Variants in CCDC138 observed in about 807,000 individuals in gnomAD.
CCDC138 encodes the protein coiled-coil domain-containing protein 138.
A neutral mutation model predicts 82.3 loss-of-function variants in CCDC138; 66 were observed. The ratio of observed to expected loss-of-function variants is 0.80; its 90% CI spans 0.66 to 0.98. The LOEUF (loss-of-function observed/expected upper bound fraction) is 0.98, where lower values mean the gene tolerates loss of function less well. Among genes scored for constraint, CCDC138 ranks in the 50% least tolerant of loss-of-function variants. The pLI is 0.00. For synonymous variants in CCDC138, 297 were observed against 265.4 expected (o/e 1.12, Z -1.16); for missense variants, 816 against 758.9 (o/e 1.08, Z -0.88).
At chr2:108,832,944 T>A (rs978681636) in intron 10 of CCDC138, among the ~76,000 whole-genome samples, 2 of 152,060 alleles carry the variant, frequency 1.3e-5, no homozygotes, top group African/African-American at 4.8e-5. Context: ...CAGGAAATGG[T>A]TTTAAGCAAG....
chr2:108,853,528 C>CT (rs34664337), intron 12 of CCDC138, among the ~76,000 whole-genome samples: 5,855 of 139,078 alleles, frequency 0.042, 312 homozygotes, highest in African/African-American at 0.11. Flanking sequence ...TGATAGCTTT[C>CT]TTTTTTTTTT....
intron 10 of CCDC138, among the ~76,000 whole-genome samples, chr2:108,833,134 A>G (rs1003725351): frequency 6.6e-6 from 1 of 152,202 alleles, no homozygotes; most frequent in Non-Finnish European, 1.5e-5. Context: ...AGCACAGGCA[A>G]TGTTTAGGAC....
chr2:108,864,287 T>C (rs1354399147), intron 13 of CCDC138, among the ~76,000 whole-genome samples: 1 of 152,248 alleles, frequency 6.6e-6, no homozygotes, highest in South Asian at 2.1e-4. Context: ...TTTTTATTTA[T>C]TTATTAAAAA....
chr2:108,829,647 G>C (rs1403311346), intron 10 of CCDC138, among the ~76,000 whole-genome samples: 2 of 152,218 alleles, frequency 1.3e-5, no homozygotes, highest in Non-Finnish European at 1.5e-5. Context: ...TTGGGAGGCT[G>C]AGGCATGGGA....
chr2:108,880,165 T>C (rs569349533), downstream of CCDC138, among the ~76,000 whole-genome samples: 1 of 147,376 alleles, frequency 6.8e-6, no homozygotes, highest in East Asian at 2.0e-4. Context: ...GATAATAAAA[T>C]TAATAAGCTT....
intron 10 of CCDC138, among the ~76,000 whole-genome samples, chr2:108,818,955 T>C (rs972430076): frequency 1.3e-5 from 2 of 152,132 alleles, no homozygotes; most frequent in African/African-American, 4.8e-5. Flanking sequence ...TCTTGTGTGA[T>C]TCAGTAACAT....
chr2:108,819,129 A>C (rs1685247740), intron 10 of CCDC138, among the ~76,000 whole-genome samples: 1 of 152,216 alleles, frequency 6.6e-6, no homozygotes, highest in Non-Finnish European at 1.5e-5. Context: ...CCATGGAAAC[A>C]CCAAGTTAAT....
In CCDC138 at chr2:108,788,852, G is replaced by T. The variant is rs760413418; in HGVS notation, c.152G>T (p.Gly51Val). 5.6e-6 allele frequency: 9 copies of T among 1,613,898 alleles called. No individual in the cohort carries two copies. The highest frequency in any genetic ancestry group is 1.3e-5 in the African/African-American group (1 of 74,948). The change falls in exon 3 of 15, where the codon GGT becomes GTT. Residue 51 changes from glycine to valine, a missense_variant and splice_region_variant. Gly to Val is a moderately radical substitution (Grantham distance 109). Transcript: ENST00000295124. ...TTCATGGTTTCTTTGTCGTTGACAG[G>T]TGATTTGGATATCTACTCTGGAGAT... ...KYKRRTLTSP[G>V]DLDIYSGDKV... is the part of the protein sequence containing the mutation.
chr2:108,805,303 C>T (rs1370649808), intron 7 of CCDC138, among the ~76,000 whole-genome samples: 1 of 152,138 alleles, frequency 6.6e-6, no homozygotes, highest in Non-Finnish European at 1.5e-5. Context: ...TTATTTATCA[C>T]TACTTATTTA....
At chr2:108,792,499 A>T (rs993747132) in intron 4 of CCDC138, among the ~76,000 whole-genome samples, 1 of 152,248 alleles carries the variant, frequency 6.6e-6, no homozygotes, top group Non-Finnish European at 1.5e-5. Flanking sequence ...CTTTTGCACC[A>T]ACCTCATATT....
intron 10 of CCDC138, among the ~76,000 whole-genome samples, chr2:108,832,055 A>G (rs886649148): frequency 6.9e-6 from 1 of 145,036 alleles, no homozygotes; most frequent in African/African-American, 2.6e-5. Flanking sequence ...TTTGAAATGG[A>G]GTCTCACTCT....
At chr2:108,865,989 G>A (rs796747456) in intron 13 of CCDC138, among the ~76,000 whole-genome samples, 16 of 152,260 alleles carry the variant, frequency 1.1e-4, no homozygotes, top group African/African-American at 3.4e-4. Flanking sequence ...CTGGGGAGAA[G>A]CTAGGAGCTG....
In CCDC138 at chr2:108,840,507, GT is replaced by G. The variant is rs144490929; in HGVS notation, c.1323+1208del. Among the ~76,000 whole-genome samples, 241 of 152,274 alleles carry G rather than the reference GT, an allele frequency of 1.6e-3. 6 individuals are homozygous for G. The East Asian group carries it at 0.042, about 27-fold the overall frequency. On this transcript the variant is annotated intron_variant, in intron 11 of 14. Transcript: ENST00000295124. ...AATTATGAATTTAAGTTCTTTAATA[GT>G]TACAGGGCTGTTCTAGTTATGTAAT...
downstream of CCDC138, among the ~76,000 whole-genome samples, chr2:108,877,602 G>GA (rs34492681): frequency 0.73 from 110,717 of 152,134 alleles, 43,071 homozygotes; most frequent in East Asian, 0.95. Context: ...AGTATATAGA[G>GA]ATAGTACTCA....
At chr2:108,791,856 T>G in intron 4 of CCDC138, 54 bp downstream of exon 4, 1 of 1,491,242 alleles carries the variant, frequency 6.7e-7, no homozygotes, top group Non-Finnish European at 9.0e-7. Context: ...TCAAGTAGAG[T>G]AAATGAAGCT....
chr2:108,798,333 A>T (rs1177520889), intron 5 of CCDC138, 95 bp from the exon 6 acceptor site: 10 of 1,410,306 alleles, frequency 7.1e-6, no homozygotes, highest in Non-Finnish European at 9.6e-6. Flanking sequence ...TATTCCTGAA[A>T]ACCACTTGGT....
At chr2:108,857,900 T>C (rs777898914) in intron 13 of CCDC138, among the ~76,000 whole-genome samples, 1 of 152,256 alleles carries the variant, frequency 6.6e-6, no homozygotes, top group African/African-American at 2.4e-5. Flanking sequence ...GGCATCTTTC[T>C]CGTTGTCAAA....
At chr2:108,884,044 T>C (rs1444642821) in intron 2 of CCDC138, 1 of 152,342 alleles carries the variant, frequency 6.6e-6, no homozygotes, top group Non-Finnish European at 1.5e-5. Context: ...GCTGGGACTA[T>C]AGGCATGCGC....
intron 6 of CCDC138, among the ~76,000 whole-genome samples, chr2:108,799,342 T>C (rs1453168728): frequency 6.6e-6 from 1 of 152,216 alleles, no homozygotes; most frequent in African/African-American, 2.4e-5. Context: ...AAATTCATTG[T>C]TGTACATTTC....
Sources: allele counts gnomAD v4.1 joint callset (sites outside exome capture counted in the v4.1 genomes callset), GRCh38; gene constraint gnomAD v4.1.1; transcripts MANE v1.5; gene names NCBI Gene and HGNC (gene_info 2026-07-23, HGNC 2026-07-21).